Variants in SPTBN2 observed in about 807,000 individuals in gnomAD.
SPTBN2 encodes spectrin beta chain, non-erythrocytic 2.
In SPTBN2, 107 loss-of-function variants were observed where a neutral mutation model predicts 284.2. That is an observed-to-expected ratio of 0.38 (90% CI 0.32 to 0.44). The LOEUF is 0.44. Ranked by LOEUF, SPTBN2 falls within the 20% of genes least tolerant of loss-of-function variation. The pLI is 1.00. For synonymous variants in SPTBN2, 1,289 were observed against 1,354.8 expected, an observed-to-expected ratio of 0.95 and a Z score of 1.07; for missense variants, 2,569 against 3,287.1, an observed-to-expected ratio of 0.78 and a Z score of 5.34.
At position 66,690,109 on chromosome 11, in the gene SPTBN2, T is replaced by C; in HGVS notation, c.5740A>G (p.Lys1914Glu). 6.2e-7 allele frequency: 1 copy of C among 1,614,216 alleles called. No homozygotes were observed. Among genetic ancestry groups the C allele is most frequent in the Non-Finnish European group, 8.5e-7 (1 of 1,180,028 alleles). The change falls in exon 28 of 38, where the codon AAG becomes GAG. Residue 1914 changes from lysine to glutamate, a missense_variant. By Grantham distance (56) the Lys-to-Glu change is moderately conservative. Transcript: ENST00000533211. ...LDTTDKFRFF[K>E]AVRELMLWMD... ...CAGAGCATCAGTTCCCGGACAGCCT[T>C]GAAGAAGCGGAACTTGTCTGTGGTG...
Position 66,687,963 on chromosome 11 carries a change from G to A in SPTBN2, c.6450+41C>T, listed in dbSNP as rs1299324249. On this transcript the variant is annotated intron_variant, in intron 33 of 37. Coordinates refer to ENST00000533211, the MANE Select transcript of SPTBN2 (RefSeq NM_006946.4). The surrounding 1 kb of genome is among the most constrained non-coding windows in gnomAD (Gnocchi z 5.2). The stretch of plus-strand genomic sequence containing the variant: ...TAAAAGGATGTGCGGGGGTGGAGGG[G>A]CTACGACTCCGATGGGGGCACAGAG... 2.5e-6 allele frequency: 4 copies of A among 1,614,024 alleles called. No homozygotes were observed. The highest frequency in any genetic ancestry group is 3.4e-6 in the Non-Finnish European group (4 of 1,179,978).
chr11:66,713,862 G>T (rs1942008442), intron 7 of SPTBN2, 116 bp from the exon 8 acceptor site: 7 of 974,092 alleles, frequency 7.2e-6, no homozygotes, highest in African/African-American at 1.6e-5. Context: ...CCAGAAGTAG[G>T]CATCCCAAAC....
rs1941810130 is a variant in SPTBN2 at position 66,710,651 on chromosome 11, T to C, written c.1004A>G (p.Asn335Ser). The C allele has an allele frequency of 1.2e-6, 2 of 1,613,912 alleles. No individual in the cohort carries two copies. Among genetic ancestry groups the C allele is most frequent in the Non-Finnish European group, 1.7e-6 (2 of 1,179,970 alleles). Residue 335 changes from asparagine (N) to serine (S), a missense_variant, in exon 10 of 38, where the codon AAC (asparagine) becomes AGC (serine). Transcript: ENST00000533211. The surrounding 1 kb of genome is among the most constrained non-coding windows in gnomAD (Gnocchi z 4.9). Reference sequence around the variant, plus strand: ...CTGGTTCTGGACCCCGCTAAGGGAGTTGGCCAACTGCCGGTCATTGAGGGT... The same window carrying C: ...CTGGTTCTGGACCCCGCTAAGGGAGCTGGCCAACTGCCGGTCATTGAGGGT... ...IVTLNDRQLA[N>S]SLSGVQNQLQ...
chr11:66,704,875 G>A lies in SPTBN2; in HGVS notation c.2401C>T (p.Pro801Ser). The change falls in exon 15 of 38, where the codon CCA becomes TCA. Residue 801 changes from proline (P) to serine (S), a missense_variant. Physicochemically the swap from Pro to Ser is moderately conservative, Grantham distance 74. Transcript: ENST00000533211. ...TGTTCCCTCAAGGCGTCCAGGGTTG[G>A]CCGGTGGCTTCGAATCTCCTCCTCC... The part of the protein sequence containing the change: ...ALEEEIRSHR[P>S]TLDALREQAA... 6.2e-7 allele frequency: 1 copy of A among 1,610,774 alleles called. No individual in the cohort carries two copies. Among genetic ancestry groups the A allele is most frequent in the Non-Finnish European group, 8.5e-7 (1 of 1,179,884 alleles).
chr11:66,712,393 A>G (rs1941915725), intron 8 of SPTBN2, among the ~76,000 whole-genome samples: 1 of 152,158 alleles, frequency 6.6e-6, no homozygotes, highest in Admixed American at 6.5e-5. Context: ...CTAAAAATAC[A>G]AAAATTAGCC....
chr11:66,692,097 T>C (rs766036899), intron 26 of SPTBN2, among the ~76,000 whole-genome samples: 8 of 152,108 alleles, frequency 5.3e-5, no homozygotes, highest in South Asian at 4.1e-4. Flanking sequence ...TGTGTGTGTA[T>C]GTATTTAGAG....
At position 66,695,698 on chromosome 11, in the gene SPTBN2, C is replaced by T. The variant is rs530615140; in HGVS notation, c.4278+579G>A. 1.2e-4 allele frequency among the ~76,000 whole-genome samples: 18 copies of T among 152,258 alleles called. No individual in the cohort carries two copies. In the South Asian group the frequency reaches 3.3e-3, roughly 28 times the overall value. On this transcript the variant is annotated intron_variant, in intron 21 of 37. Transcript: ENST00000533211. ...CTTTACTGAAAAAAGTTTTCTGACC[C>T]CTGCTATAGAGTTCTCTTTACCACC...
intron 8 of SPTBN2, among the ~76,000 whole-genome samples, chr11:66,711,307 AGTT>A (rs1250126488): frequency 6.6e-6 from 1 of 152,232 alleles, no homozygotes; most frequent in Non-Finnish European, 1.5e-5. Context: ...GACCAAAATC[AGTT>A]GTTTGGGGAA....
Position 66,694,258 on chromosome 11 carries a change from T to C in SPTBN2, c.4384A>G (p.Thr1462Ala). Residue 1462 changes from threonine to alanine, a missense_variant, in exon 22 of 38, where the codon ACC becomes GCC. By Grantham distance (58) the Thr-to-Ala change is moderately conservative (BLOSUM62 0). This residue lies in a region of SPTBN2 where 1,130 missense variants were observed against 1,317.3 expected (regional missense o/e 0.86). Coordinates refer to ENST00000533211, the MANE Select transcript of SPTBN2 (RefSeq NM_006946.4). Reference protein sequence around the residue: ...EDQGAGEVERTSRAVEEKFRA... With the variant: ...EDQGAGEVERASRAVEEKFRA... Reference sequence around the variant, plus strand: ...AACTTCTCCTCCACGGCCCTCGAGGTTCTCTCCACCTCCCCTGCACCCTGG... The same window carrying C: ...AACTTCTCCTCCACGGCCCTCGAGGCTCTCTCCACCTCCCCTGCACCCTGG... 6.2e-7 allele frequency: 1 copy of C among 1,614,064 alleles called. No individual in the cohort carries two copies.
At chr11:66,730,699 G>A (rs1411735925), upstream of SPTBN2, among the ~76,000 whole-genome samples, 2 of 152,062 alleles carry the variant, frequency 1.3e-5, no homozygotes, top group African/African-American at 4.8e-5. Flanking sequence ...CTATAATATC[G>A]TGACCCAATT....
intron 15 of SPTBN2, among the ~76,000 whole-genome samples, chr11:66,703,581 C>G (rs1243126153): frequency 6.6e-6 from 1 of 151,708 alleles, no homozygotes; most frequent in Non-Finnish European, 1.5e-5. Flanking sequence ...TAAAAAAATA[C>G]AAAAAATTAG....
At chr11:66,714,632 T>C (rs916943606) in intron 5 of SPTBN2, among the ~76,000 whole-genome samples, 3 of 152,098 alleles carry the variant, frequency 2.0e-5, no homozygotes, top group African/African-American at 7.2e-5. Flanking sequence ...TGTGTCTGAG[T>C]GGAGGGTGCT....
chr11:66,734,999 A>C (rs1297691300), intron 1 of SPTBN2, among the ~76,000 whole-genome samples: 1 of 152,162 alleles, frequency 6.6e-6, no homozygotes, highest in Non-Finnish European at 1.5e-5. Flanking sequence ...GATCAAAGTT[A>C]AATTCTTCAC....
Position 66,686,005 on chromosome 11 carries a change from G to T in SPTBN2, c.7039C>A (p.Arg2347=). 6.2e-7 allele frequency: 1 copy of T among 1,613,526 alleles called. No homozygotes were observed. Among genetic ancestry groups the T allele is most frequent in the South Asian group, 1.1e-5 (1 of 91,062 alleles). The change falls in exon 38 of 38, where the codon CGG becomes AGG. Residue 2347 remains arginine, a synonymous_variant. Transcript: ENST00000533211. ...ATGGTCATGGCCCGGGTCATGCCCC[G>T]GGTGGTGCTGGGCACCACCGGCTCT... The part of the protein sequence containing the change: ...PEEPVVPSTT[R]GMTRAMTMPP...
rs1171507869 is a variant in SPTBN2, at chr11:66,728,997, A to G, written c.-370T>C. The G allele has an allele frequency of 1.3e-5, 2 of 150,252 alleles. No individual in the cohort carries two copies. Among genetic ancestry groups the G allele is most frequent in the African/African-American group, 4.9e-5 (2 of 40,614 alleles). 9.3% of individuals were successfully genotyped at this position (150,252 alleles called of 1,614,324 possible). A position where few individuals can be genotyped will look rare whatever the true frequency, so the allele number is the denominator to read the frequency against. ...TGAAGATTCGTCTTCTACAGATCAGATGCTCCAAACAGGCATCTCAGCGCT... is the reference window on the plus strand; with the variant it reads ...TGAAGATTCGTCTTCTACAGATCAGGTGCTCCAAACAGGCATCTCAGCGCT... On this transcript the variant is annotated 5_prime_UTR_variant, in exon 1 of 38. Coordinates refer to ENST00000533211, the MANE Select transcript of SPTBN2 (RefSeq NM_006946.4).
intron 16 of SPTBN2, 66 bp from the exon 17 acceptor site, chr11:66,701,348 T>C (rs1482034369): frequency 1.1e-5 from 17 of 1,586,928 alleles, no homozygotes; most frequent in Non-Finnish European, 1.4e-5. Flanking sequence ...TCTTCCCTGC[T>C]TCTCTCTCTC....
chr11:66,723,726 G>GTTCT (rs1433350564), intron 1 of SPTBN2, among the ~76,000 whole-genome samples: 2 of 152,032 alleles, frequency 1.3e-5, no homozygotes, highest in African/African-American at 2.4e-5. Context: ...CAGATTCTCT[G>GTTCT]GATTTGTTCT....
At chr11:66,743,679 C>T (rs902786775) in intron 1 of SPTBN2, among the ~76,000 whole-genome samples, 1 of 152,202 alleles carries the variant, frequency 6.6e-6, no homozygotes, top group Non-Finnish European at 1.5e-5. Flanking sequence ...CAGAGCTTCT[C>T]CTGTCAGCCA....
upstream of SPTBN2, among the ~76,000 whole-genome samples, chr11:66,730,617 T>C (rs1045070329): frequency 6.6e-6 from 1 of 151,234 alleles, no homozygotes; most frequent in Non-Finnish European, 1.5e-5. Context: ...TCAGCTGCCC[T>C]GCCAAAGGAA....
Sources: allele counts gnomAD v4.1 joint callset (sites outside exome capture counted in the v4.1 genomes callset), GRCh38; gene constraint gnomAD v4.1.1; regional missense constraint gnomAD v4.1.1; non-coding constraint Gnocchi (gnomAD v3.1); transcripts MANE v1.5; gene names NCBI Gene and HGNC (gene_info 2026-07-23, HGNC 2026-07-21).